INVS: variants seen among roughly 807,000 people sequenced by gnomAD.
INVS encodes inversion of embryo turning homolog.
A neutral mutation model predicts 108.8 loss-of-function variants in INVS; 86 were observed. The observed-to-expected ratio is 0.79, with a 90% CI of 0.66 to 0.95. INVS has a LOEUF of 0.95. Among genes scored for constraint, INVS ranks in the 40% least tolerant of loss-of-function variants. The pLI is 0.00. For missense variants in INVS, 1,169 were observed against 1,297.4 expected, an observed-to-expected ratio of 0.90 and a Z score of 1.52; for synonymous variants, 455 against 473.5, an observed-to-expected ratio of 0.96 and a Z score of 0.51.
chr9:100,226,155 C>G lies in INVS; in HGVS notation c.367C>G (p.Arg123Gly), dbSNP rs149315279. The stretch of plus-strand genomic sequence containing the variant: ...GATGACTCCTTTGCACTTGACCACC[C>G]GGCACAGGAGCCCTAAGTGTTTGGC... Reference protein sequence around the residue: ...EEMTPLHLTTRHRSPKCLALL... With the variant: ...EEMTPLHLTTGHRSPKCLALL... Residue 123 changes from arginine to glycine, a missense_variant, in exon 4 of 17, where the codon CGG (arginine) becomes GGG (glycine). This residue lies in a region of INVS where 365 missense variants were observed against 397.5 expected (regional missense o/e 0.92). Coordinates refer to ENST00000262457, the MANE Select transcript of INVS (RefSeq NM_014425.5). 6.2e-7 allele frequency: 1 copy of G among 1,613,810 alleles called. No homozygotes were observed. The highest frequency in any genetic ancestry group is 8.5e-7 in the Non-Finnish European group (1 of 1,179,912).
chr9:100,268,566 T>A (rs988621987), intron 11 of INVS, among the ~76,000 whole-genome samples: 13 of 152,144 alleles, frequency 8.5e-5, no homozygotes, highest in Non-Finnish European at 1.5e-4. Context: ...GTTCCGAGAT[T>A]AGCTATAAAA....
At chr9:100,204,848 T>G (rs1050985164) in intron 3 of INVS, among the ~76,000 whole-genome samples, 7 of 152,164 alleles carry the variant, frequency 4.6e-5, no homozygotes, top group Admixed American at 3.3e-4. Flanking sequence ...ATGATATTTT[T>G]TGGTCATTAC....
chr9:100,298,242 G>C, intron 16 of INVS: 8 of 1,416,088 alleles, frequency 5.6e-6, no homozygotes, highest in Non-Finnish European at 7.4e-6. Context: ...ATAAATGGTA[G>C]CTATTATTGA....
Position 100,284,342 on chromosome 9 carries a change from C to A in INVS, c.1807C>A (p.Arg603=). Residue 603 remains arginine (R), a synonymous_variant, in exon 13 of 17, where the codon CGA becomes AGA. Transcript: ENST00000262457. The part of the protein sequence containing the change: ...AAKKREEENK[R]KEAEQQKGRR... ...CAGAAAGCGAGAGGAAGAAAACAAA[C>A]GAAAAGAGGCAGAACAGCAAAAAGG... 6.2e-7 allele frequency: 1 copy of A among 1,613,318 alleles called. No individual in the cohort carries two copies. Among genetic ancestry groups the A allele is most frequent in the East Asian group, 2.2e-5 (1 of 44,882 alleles).
At position 100,104,587 on chromosome 9, in the gene INVS, C is replaced by T. The variant is rs1419957613; in HGVS notation, c.66C>T (p.Ala22=). Residue 22 remains alanine, a synonymous_variant, in exon 2 of 17, where the codon GCC becomes GCT. Transcript: ENST00000262457. ...SSLASQVHAA[A]VNGDKGALQR... is the part of the protein sequence containing the mutation. Reference sequence around the variant, plus strand: ...TAGCATCACAAGTCCATGCTGCTGCCGTTAATGGAGATAAGGGTGCTCTAC... The same window carrying T: ...TAGCATCACAAGTCCATGCTGCTGCTGTTAATGGAGATAAGGGTGCTCTAC... 1.2e-5 allele frequency: 19 copies of T among 1,613,840 alleles called. No homozygotes were observed. Among genetic ancestry groups the T allele is most frequent in the African/African-American group, 2.7e-5 (2 of 74,886 alleles).
At chr9:100,192,548 T>C (rs1257028746) in intron 3 of INVS, among the ~76,000 whole-genome samples, 2 of 152,212 alleles carry the variant, frequency 1.3e-5, no homozygotes, top group Non-Finnish European at 2.9e-5. Flanking sequence ...TTTGTGGACA[T>C]TTGTACTCAT....
intron 5 of INVS, among the ~76,000 whole-genome samples, chr9:100,231,811 C>T (rs749449228): frequency 6.6e-6 from 1 of 152,084 alleles, no homozygotes; most frequent in Non-Finnish European, 1.5e-5. Context: ...CTGCAATAAA[C>T]ATATGTGTGC....
chr9:100,215,412 G>GA (rs1449689675), intron 3 of INVS: 1 of 152,224 alleles, frequency 6.6e-6, no homozygotes, highest in Admixed American at 6.5e-5. Context: ...AGGCTACAAG[G>GA]ATGAAATGAA....
At chr9:100,296,189 A>T (rs572757787) in intron 14 of INVS, among the ~76,000 whole-genome samples, 122 of 152,324 alleles carry the variant, frequency 8.0e-4, no homozygotes, top group Non-Finnish European at 1.5e-3. Context: ...ATAAAGACAG[A>T]TACAGATAAT....
chr9:100,296,669 C>T (rs889145474), intron 14 of INVS, among the ~76,000 whole-genome samples: 34 of 152,160 alleles, frequency 2.2e-4, no homozygotes, highest in African/African-American at 8.2e-4. Context: ...TACACAGCAG[C>T]CTGTTCCACT....
chr9:100,185,641 A>T (rs1192489588), intron 3 of INVS, among the ~76,000 whole-genome samples: 1 of 150,036 alleles, frequency 6.7e-6, no homozygotes, highest in Non-Finnish European at 1.5e-5. Context: ...ATTTTAGTGC[A>T]CCCATCACCT....
At chr9:100,194,625 A>G (rs538794627) in intron 3 of INVS, among the ~76,000 whole-genome samples, 2 of 152,218 alleles carry the variant, frequency 1.3e-5, no homozygotes, top group Admixed American at 1.3e-4. Context: ...AGAAGTGATT[A>G]GAGTAGACAT....
intron 3 of INVS, among the ~76,000 whole-genome samples, chr9:100,207,796 A>AT (rs1262414970): frequency 6.6e-6 from 1 of 152,166 alleles, no homozygotes; most frequent in Non-Finnish European, 1.5e-5. Context: ...TGTTTTCCCA[A>AT]TTTTTAATAG....
At chr9:100,190,873 T>C (rs948098711) in intron 3 of INVS, among the ~76,000 whole-genome samples, 2 of 152,004 alleles carry the variant, frequency 1.3e-5, no homozygotes, top group African/African-American at 2.4e-5. Context: ...CTTTTTTTTT[T>C]CTTCTGAGAC....
chr9:100,148,020 CAAAA>C (rs551874913), intron 3 of INVS, among the ~76,000 whole-genome samples: 1 of 79,076 alleles, frequency 1.3e-5, no homozygotes, highest in Non-Finnish European at 3.3e-5. Context: ...CCTGTCTCTA[CAAAA>C]AAAAAAAAAA....
intron 3 of INVS, among the ~76,000 whole-genome samples, chr9:100,131,154 T>C (rs1828044147): frequency 6.6e-6 from 1 of 152,150 alleles, no homozygotes; most frequent in Non-Finnish European, 1.5e-5. Context: ...GTCTCTTTTC[T>C]ACTAGGCTGG....
intron 1 of INVS, 149 bp downstream of exon 1, chr9:100,099,565 C>G (rs1242503971): frequency 6.6e-6 from 1 of 152,586 alleles, no homozygotes; most frequent in Non-Finnish European, 1.5e-5. Flanking sequence ...TCTTTCTGCT[C>G]TAATTCCTGC....
At chr9:100,232,348 T>G (rs1331393672) in intron 5 of INVS, among the ~76,000 whole-genome samples, 1 of 152,204 alleles carries the variant, frequency 6.6e-6, no homozygotes, top group East Asian at 1.9e-4. Context: ...CCAAAGCTCT[T>G]TAGTTTCATT....
At chr9:100,188,572 C>A (rs1272520236) in intron 3 of INVS, among the ~76,000 whole-genome samples, 1 of 150,840 alleles carries the variant, frequency 6.6e-6, no homozygotes, top group Non-Finnish European at 1.5e-5. Context: ...ATTCAGTTTG[C>A]TGGTATTTTG....
Sources: allele counts gnomAD v4.1 joint callset (sites outside exome capture counted in the v4.1 genomes callset), GRCh38; gene constraint gnomAD v4.1.1; regional missense constraint gnomAD v4.1.1; transcripts MANE v1.5; gene names NCBI Gene and HGNC (gene_info 2026-07-23, HGNC 2026-07-21).